The following DAXX variants were observed in gnomAD, a reference collection of about 807,000 sequenced individuals.
DAXX encodes death domain-associated protein 6.
DAXX carries 24 observed loss-of-function variants against 61.9 expected under a neutral mutation model. The observed-to-expected ratio is 0.39, with a 90% CI of 0.28 to 0.55. The LOEUF is 0.55. DAXX is among the 20% of genes least tolerant of loss of function. The pLI is 0.69. For synonymous variants in DAXX, 357 were observed against 369.5 expected (o/e 0.97, Z 0.39); for missense variants, 819 against 935.3 (o/e 0.88, Z 1.62).
At position 33,321,145 on chromosome 6, in the gene DAXX, C is replaced by T; in HGVS notation, c.630G>A (p.Leu210=). The change falls in exon 3 of 8, where the codon TTG becomes TTA. Residue 210 remains leucine, a synonymous_variant. Coordinates refer to ENST00000374542, the MANE Select transcript of DAXX (RefSeq NM_001141969.2). The surrounding 1 kb of genome is among the most constrained non-coding windows in gnomAD (Gnocchi z 7.2). ...AEIRRLQEKE[L]DLSELDDPDS... ...CTGGGTCATCCAATTCTGAGAGATCCAACTCCTTTTCCTGCAGCCGCCGGA... is the reference window on the plus strand; with the variant it reads ...CTGGGTCATCCAATTCTGAGAGATCTAACTCCTTTTCCTGCAGCCGCCGGA... 6.2e-7 allele frequency: 1 copy of T among 1,613,602 alleles called. No individual in the cohort carries two copies. The highest frequency in any genetic ancestry group is 1.3e-5 in the African/African-American group (1 of 75,020).
Position 33,321,429 on chromosome 6 carries a change from C to A in DAXX, c.346G>T (p.Ala116Ser), listed in dbSNP as rs1350981320. The A allele has an allele frequency of 7.4e-6, 12 of 1,613,722 alleles. No homozygotes were observed. Among genetic ancestry groups the A allele is most frequent in the Non-Finnish European group, 8.5e-6 (10 of 1,179,706 alleles). ...TAGAGCTTGGCTGGCCGGCTCCGGG[C>A]CCGAGACAGGACCCTAGAGAGGATG... ...CNILSRVLSRARSRPAKLYVY... is the reference protein window; with the variant it reads ...CNILSRVLSRSRSRPAKLYVY... The change falls in exon 3 of 8, where the codon GCC becomes TCC. Residue 116 changes from alanine (A) to serine (S), a missense_variant. Physicochemically the swap from Ala to Ser is moderately conservative, Grantham distance 99. Transcript: ENST00000374542. This position sits in a 1 kb window ranked among gnomAD's most constrained non-coding sequence, Gnocchi z 7.2.
Position 33,322,883 on chromosome 6 carries a change from C to G in DAXX, c.-74G>C. ...CCACCTCAGAAACCGTCTCTCGAGG[C>G]GACCCTCGCCGCAATTCTCAGAACC... On this transcript the variant is annotated 5_prime_UTR_variant, in exon 1 of 8. Transcript: ENST00000374542. The G allele has an allele frequency of 6.9e-7, 1 of 1,440,226 alleles. No homozygotes were observed. The highest frequency in any genetic ancestry group is 1.1e-5 in the South Asian group (1 of 88,582). The allele number at this position is 1,440,226 out of a possible 1,614,324, so 89.2% of individuals were successfully genotyped here.
rs768404365 is a variant in DAXX at position 33,322,882 on chromosome 6, G to A, written c.-73C>T. The A allele has an allele frequency of 6.9e-7, 1 of 1,440,514 alleles. No individual in the cohort carries two copies. Among genetic ancestry groups the A allele is most frequent in the African/African-American group, 1.4e-5 (1 of 71,200 alleles). The allele number at this position is 1,440,514 out of a possible 1,614,324, so 89.2% of individuals were successfully genotyped here. Reference sequence around the variant, plus strand: ...CCCACCTCAGAAACCGTCTCTCGAGGCGACCCTCGCCGCAATTCTCAGAAC... The same window carrying A: ...CCCACCTCAGAAACCGTCTCTCGAGACGACCCTCGCCGCAATTCTCAGAAC... On this transcript the variant is annotated 5_prime_UTR_variant, in exon 1 of 8. Coordinates refer to ENST00000374542, the MANE Select transcript of DAXX (RefSeq NM_001141969.2).
chr6:33,320,365 G>A lies in DAXX; in HGVS notation c.1251+15C>T, dbSNP rs891829206. On this transcript the variant is annotated intron_variant, in intron 4 of 7. Transcript: ENST00000374542. The surrounding 1 kb of genome is among the most constrained non-coding windows in gnomAD (Gnocchi z 7.1). ...GAAGGACAATGTCTCTCTGAAGGCT[G>A]TACCCCATCCACACCTCACCAGAAT... The A allele has an allele frequency of 1.3e-6, 2 of 1,574,188 alleles. No individual in the cohort carries two copies. The highest frequency in any genetic ancestry group is 1.4e-5 in the African/African-American group (1 of 74,072).
intron 1 of DAXX, chr6:33,322,645 G>T: frequency 3.0e-6 from 1 of 338,702 alleles, no homozygotes; most frequent in South Asian, 2.5e-5. Flanking sequence ...ACGCTCTCGC[G>T]ATTCCTCTTA....
chr6:33,319,667 C>G lies in DAXX; in HGVS notation c.1653G>C (p.Gln551His), dbSNP rs1170227056. The G allele has an allele frequency of 1.9e-6, 3 of 1,614,022 alleles. No individual in the cohort carries two copies. The highest frequency in any genetic ancestry group is 2.5e-6 in the Non-Finnish European group (3 of 1,179,972). ...SSIDAESNGE[Q>H]PEELTLEEES... ...CTTCCTCCAGGGTCAGCTCCTCAGG[C>G]TGTTCTCCATTGCTTTCAGCATCTA... The change falls in exon 6 of 8, where the codon CAG becomes CAC. Residue 551 changes from glutamine to histidine, a missense_variant. Coordinates refer to ENST00000374542, the MANE Select transcript of DAXX (RefSeq NM_001141969.2).
rs1429219355 is a variant in DAXX, at chr6:33,319,069, G to A, written c.2091C>T (p.Ser697=). 1 of 1,614,120 alleles carries A rather than the reference G, an allele frequency of 6.2e-7. No individual in the cohort carries two copies. The highest frequency in any genetic ancestry group is 1.7e-5 in the Admixed American group (1 of 60,026). The change falls in exon 7 of 8, where the codon TCC becomes TCT. Residue 697 remains serine, a synonymous_variant. Coordinates refer to ENST00000374542, the MANE Select transcript of DAXX (RefSeq NM_001141969.2). Reference sequence around the variant, plus strand: ...GCCGGGCTGGAGAAGGGATGCAGAGGGAGCTGGTCACCAGGCCATGGCTGG... The same window carrying A: ...GCCGGGCTGGAGAAGGGATGCAGAGAGAGCTGGTCACCAGGCCATGGCTGG... ...DSPSHGLVTS[S]LCIPSPARLS...
chr6:33,318,595 C>T lies in DAXX; in HGVS notation c.*148G>A. On this transcript the variant is annotated 3_prime_UTR_variant, in exon 8 of 8. Coordinates refer to ENST00000374542, the MANE Select transcript of DAXX (RefSeq NM_001141969.2). ...AGAACTTTATTGTTTATTAATGTTT[C>T]TGTGTAAAACTTAAGCTTTTTTTTT... is the stretch of plus-strand genomic sequence containing the variant. The T allele has an allele frequency of 2.2e-6, 1 of 448,286 alleles. No homozygotes were observed. The highest frequency in any genetic ancestry group is 3.4e-5 in the East Asian group (1 of 29,390). The allele number at this position is 448,286 out of a possible 1,614,324, so 27.8% of individuals were successfully genotyped here.
chr6:33,321,398 T>C lies in DAXX; in HGVS notation c.377A>G (p.Tyr126Cys), dbSNP rs1283314818. Residue 126 changes from tyrosine to cysteine, a missense_variant, in exon 3 of 8, where the codon TAC becomes TGC. By Grantham distance (194) the Tyr-to-Cys change is radical. Coordinates refer to ENST00000374542, the MANE Select transcript of DAXX (RefSeq NM_001141969.2). The surrounding 1 kb of genome is among the most constrained non-coding windows in gnomAD (Gnocchi z 7.2). ...ARSRPAKLYV[Y>C]INELCTVLKA... ...GAGAACAGTGCAGAGCTCATTGATGTAGACATAGAGCTTGGCTGGCCGGCT... is the reference window on the plus strand; with the variant it reads ...GAGAACAGTGCAGAGCTCATTGATGCAGACATAGAGCTTGGCTGGCCGGCT... 1 of 1,613,648 alleles carries C rather than the reference T, an allele frequency of 6.2e-7. No individual in the cohort carries two copies.
Position 33,320,725 on chromosome 6 carries a change from C to T in DAXX, c.1039+11G>A, listed in dbSNP as rs1165786436. Reference sequence around the variant, plus strand: ...TAAGGGTCACTGAGAGGCATCCCACCAACCCCCTACCTGGCCTATAGTCAT... The same window carrying T: ...TAAGGGTCACTGAGAGGCATCCCACTAACCCCCTACCTGGCCTATAGTCAT... On this transcript the variant is annotated intron_variant, in intron 3 of 7. Transcript: ENST00000374542. This position sits in a 1 kb window ranked among gnomAD's most constrained non-coding sequence, Gnocchi z 7.1. The T allele has an allele frequency of 6.2e-7, 1 of 1,612,170 alleles. No homozygotes were observed. The highest frequency in any genetic ancestry group is 1.3e-5 in the African/African-American group (1 of 74,892).
At position 33,321,954 on chromosome 6, in the gene DAXX, G is replaced by C; in HGVS notation, c.-29C>G. The stretch of plus-strand genomic sequence containing the variant: ...GGATCAAATCCCCCGGAGGGAGGAA[G>C]TGGTGGGGATTTCAGAATTCCTGCT... On this transcript the variant is annotated 5_prime_UTR_variant, in exon 2 of 8. Coordinates refer to ENST00000374542, the MANE Select transcript of DAXX (RefSeq NM_001141969.2). This position sits in a 1 kb window ranked among gnomAD's most constrained non-coding sequence, Gnocchi z 7.2. 6.3e-7 allele frequency: 1 copy of C among 1,590,958 alleles called. No individual in the cohort carries two copies. Among genetic ancestry groups the C allele is most frequent in the Non-Finnish European group, 8.6e-7 (1 of 1,167,100 alleles).
chr6:33,321,115 G>A lies in DAXX; in HGVS notation c.660C>T (p.Ser220=), dbSNP rs531898343. 14 of 1,612,698 alleles carry A rather than the reference G, an allele frequency of 8.7e-6. No homozygotes were observed. Among genetic ancestry groups the A allele is most frequent in the African/African-American group, 6.7e-5 (5 of 75,016 alleles). The change falls in exon 3 of 8, where the codon TCC becomes TCT. Residue 220 remains serine, a synonymous_variant. Coordinates refer to ENST00000374542, the MANE Select transcript of DAXX (RefSeq NM_001141969.2). The surrounding 1 kb of genome is among the most constrained non-coding windows in gnomAD (Gnocchi z 7.2). ...LDLSELDDPD[S]AYLQEARLKR... ...TCAACCGTGCCTCCTGCAGGTATGC[G>A]GAGTCTGGGTCATCCAATTCTGAGA...
Position 33,319,864 on chromosome 6 carries a change from A to G in DAXX, c.1466-10T>C, listed in dbSNP as rs1488137333. On this transcript the variant is annotated splice_polypyrimidine_tract_variant and intron_variant, in intron 5 of 7. Transcript: ENST00000374542. The stretch of plus-strand genomic sequence containing the variant: ...TTGTCTCCATCTTTACCTGGAAAAG[A>G]AGAAAAGGGGAGAGGGTAGCCTGAG... 5.0e-6 allele frequency: 8 copies of G among 1,603,496 alleles called. No individual in the cohort carries two copies. The East Asian group carries it at 1.8e-4, about 36-fold the overall frequency.
chr6:33,319,235 T>C lies in DAXX; in HGVS notation c.1941-16A>G, dbSNP rs1274215138. The C allele has an allele frequency of 1.3e-6, 2 of 1,584,324 alleles. No homozygotes were observed. The highest frequency in any genetic ancestry group is 2.7e-5 in the African/African-American group (2 of 74,502). On this transcript the variant is annotated splice_polypyrimidine_tract_variant and intron_variant, in intron 6 of 7. Transcript: ENST00000374542. The stretch of plus-strand genomic sequence containing the variant: ...TTCCACATAGCTAGAAACAGAAACA[T>C]AAATATGTGGAGGGGTACGGGAAGA...
In DAXX at chr6:33,320,997, G is replaced by T; in HGVS notation, c.778C>A (p.Arg260Ser). ...GRVIEQRIPY[R>S]GTRYPEVNRR... ...TTAACCTCTGGGTAGCGGGTGCCACGGTAGGGGATGCGCTGCTCTATGACA... is the reference window on the plus strand; with the variant it reads ...TTAACCTCTGGGTAGCGGGTGCCACTGTAGGGGATGCGCTGCTCTATGACA... Residue 260 changes from arginine to serine, a missense_variant, in exon 3 of 8, where the codon CGT becomes AGT. By Grantham distance (110) the Arg-to-Ser change is moderately radical. Coordinates refer to ENST00000374542, the MANE Select transcript of DAXX (RefSeq NM_001141969.2). The surrounding 1 kb of genome is among the most constrained non-coding windows in gnomAD (Gnocchi z 7.1). The T allele has an allele frequency of 1.9e-6, 3 of 1,613,862 alleles. No individual in the cohort carries two copies. The highest frequency in any genetic ancestry group is 2.5e-6 in the Non-Finnish European group (3 of 1,179,732).
In DAXX at chr6:33,321,538, T is replaced by G; in HGVS notation, c.237A>C (p.Ala79=). ...GGAATGGGACCACCTCAGGGTGGTCTGCTGTCTGCATCTTACAAAGTTCAA... is the reference window on the plus strand; with the variant it reads ...GGAATGGGACCACCTCAGGGTGGTCGGCTGTCTGCATCTTACAAAGTTCAA... ...EFLELCKMQT[A]DHPEVVPFLY... is the part of the protein sequence containing the mutation. Residue 79 remains alanine, a synonymous_variant, in exon 3 of 8, where the codon GCA becomes GCC. Coordinates refer to ENST00000374542, the MANE Select transcript of DAXX (RefSeq NM_001141969.2). The surrounding 1 kb of genome is among the most constrained non-coding windows in gnomAD (Gnocchi z 7.2). The G allele has an allele frequency of 1.2e-6, 2 of 1,613,584 alleles. No homozygotes were observed. Among genetic ancestry groups the G allele is most frequent in the Non-Finnish European group, 8.5e-7 (1 of 1,179,882 alleles).
chr6:33,319,253 C>G (rs201997545), intron 6 of DAXX, 34 bp from the exon 7 acceptor site: 1 of 1,572,798 alleles, frequency 6.4e-7, no homozygotes, highest in East Asian at 2.2e-5. Context: ...TGGAGGGGTA[C>G]GGGAAGACTG....
At position 33,321,392 on chromosome 6, in the gene DAXX, T is replaced by G; in HGVS notation, c.383A>C (p.Asn128Thr). ...SRPAKLYVYI[N>T]ELCTVLKAHS... Reference sequence around the variant, plus strand: ...GGCCTTGAGAACAGTGCAGAGCTCATTGATGTAGACATAGAGCTTGGCTGG... The same window carrying G: ...GGCCTTGAGAACAGTGCAGAGCTCAGTGATGTAGACATAGAGCTTGGCTGG... The change falls in exon 3 of 8, where the codon AAT becomes ACT. Residue 128 changes from asparagine (N) to threonine (T), a missense_variant. By Grantham distance (65) the Asn-to-Thr change is moderately conservative (BLOSUM62 0). Transcript: ENST00000374542. The surrounding 1 kb of genome is among the most constrained non-coding windows in gnomAD (Gnocchi z 7.2). 2 of 1,613,696 alleles carry G rather than the reference T, an allele frequency of 1.2e-6. No individual in the cohort carries two copies. The highest frequency in any genetic ancestry group is 1.7e-6 in the Non-Finnish European group (2 of 1,179,594).
chr6:33,320,303 A>G lies in DAXX; in HGVS notation c.1251+77T>C, dbSNP rs1770412136. The G allele has an allele frequency of 7.0e-7, 1 of 1,432,206 alleles. No homozygotes were observed. Among genetic ancestry groups the G allele is most frequent in the African/African-American group, 1.4e-5 (1 of 71,452 alleles). The allele number at this position is 1,432,206 out of a possible 1,614,324, so 88.7% of individuals were successfully genotyped here. ...CTTGCTTTCCTTCTCATGCTCCCCC[A>G]TCAGTCAACCTGGACTCCCTGGTGG... On this transcript the variant is annotated intron_variant, in intron 4 of 7. Transcript: ENST00000374542. The surrounding 1 kb of genome is among the most constrained non-coding windows in gnomAD (Gnocchi z 7.1).
Sources: gnomAD v4.1 joint callset for allele counts on GRCh38, gnomAD v4.1.1 for gene constraint, Gnocchi (gnomAD v3.1) non-coding constraint, MANE v1.5 for transcripts, NCBI Gene and HGNC (gene_info 2026-07-23, HGNC 2026-07-21) for gene names.